Variants in KLHL17 observed in about 807,000 individuals in gnomAD.
KLHL17 encodes kelch like family member 17.
In KLHL17, 71 loss-of-function variants were observed where a neutral mutation model predicts 64.6. The ratio of observed to expected loss-of-function variants is 1.10; its 90% confidence interval spans 0.91 to 1.34. KLHL17 has a LOEUF of 1.34. Among genes scored for constraint, KLHL17 ranks in the 40% most tolerant of loss-of-function variants. The probability of loss-of-function intolerance (pLI) is 0.00; values close to 1 mark genes in which losing one functional copy is unlikely to be tolerated. For missense variants in KLHL17, 1,140 were observed against 935.0 expected (o/e 1.22, Z -2.86); for synonymous variants, 612 against 405.4 (o/e 1.51, Z -6.12).
At chr1:962,261 C>G (rs181477281) in intron 4 of KLHL17, 94 bp from the exon 5 acceptor site, 56 of 1,592,872 alleles carry the variant, frequency 3.5e-5, no homozygotes, top group Non-Finnish European at 4.5e-5. Context: ...ACACTCAGCC[C>G]CCACCTGCTA....
At position 965,150 on chromosome 1, in the gene KLHL17, C is replaced by T. The variant is rs1013810773; in HGVS notation, c.1888C>T (p.Pro630Ser). Residue 630 changes from proline (P) to serine (S), a missense_variant, in exon 12 of 12, where the codon CCA becomes TCA. Pro to Ser is a moderately conservative substitution (Grantham distance 74, BLOSUM62 -1). Transcript: ENST00000338591. Reference protein sequence around the residue: ...AVLELLNFPPPSSPTLSVSST... With the variant: ...AVLELLNFPPSSSPTLSVSST... The stretch of plus-strand genomic sequence containing the variant: ...GCTGGAGCTGCTCAATTTCCCGCCG[C>T]CATCCTCCCCGACGCTGTCCGTGTC... 1.2e-6 allele frequency: 2 copies of T among 1,612,580 alleles called. No homozygotes were observed. The highest frequency in any genetic ancestry group is 1.7e-6 in the Non-Finnish European group (2 of 1,179,876).
At chr1:963,846 G>A in intron 8 of KLHL17, 74 bp from the exon 9 acceptor site, 1 of 1,472,362 alleles carries the variant, frequency 6.8e-7, no homozygotes, top group Non-Finnish European at 9.5e-7. Context: ...CCATTCCGCT[G>A]GGGAGGGCAG....
rs1056338646 is a variant in KLHL17, at chr1:962,105, T to C, written c.711+58T>C. On this transcript the variant is annotated intron_variant, in intron 4 of 11. Coordinates refer to ENST00000338591, the MANE Select transcript of KLHL17 (RefSeq NM_198317.3). ...ACCCCACCCCACCCCAGTCTTTGTC[T>C]TTGACTCCCGACCCCGTTTTGTTCC... The C allele has an allele frequency of 6.4e-6, 9 of 1,397,002 alleles. No homozygotes were observed. The African/African-American group carries it at 1.4e-4, about 22-fold the overall frequency. 86.5% of individuals were successfully genotyped at this position (1,397,002 alleles called of 1,614,324 possible).
In KLHL17 at chr1:962,441, C is replaced by G. The variant is rs577749915; in HGVS notation, c.798C>G (p.Asp266Glu). 6.2e-7 allele frequency: 1 copy of G among 1,612,698 alleles called. No individual in the cohort carries two copies. The highest frequency in any genetic ancestry group is 8.5e-7 in the Non-Finnish European group (1 of 1,179,908). Residue 266 changes from aspartate to glutamate, a missense_variant, in exon 5 of 12, where the codon GAC (aspartate) becomes GAG (glutamate). Coordinates refer to ENST00000338591, the MANE Select transcript of KLHL17 (RefSeq NM_198317.3). Reference protein sequence around the residue: ...YRAVLSWVKHDVDARRQHVPR... With the variant: ...YRAVLSWVKHEVDARRQHVPR... Reference sequence around the variant, plus strand: ...CCGTCCTGAGCTGGGTGAAACACGACGTGGACGCCCGCAGGCAGCATGTCC... The same window carrying G: ...CCGTCCTGAGCTGGGTGAAACACGAGGTGGACGCCCGCAGGCAGCATGTCC...
rs780498394 is a variant in KLHL17, at chr1:964,003, C to T, written c.1439C>T (p.Thr480Met). 60 of 1,612,622 alleles carry T rather than the reference C, an allele frequency of 3.7e-5. No individual in the cohort carries two copies. Among genetic ancestry groups the T allele is most frequent in the Non-Finnish European group, 4.4e-5 (52 of 1,179,930 alleles). Residue 480 changes from threonine to methionine, a missense_variant, in exon 9 of 12, where the codon ACG becomes ATG. Coordinates refer to ENST00000338591, the MANE Select transcript of KLHL17 (RefSeq NM_198317.3). Reference sequence around the variant, plus strand: ...CGGAGGCGCTATGTGCGAGTGGCCACGCTTGGTGGGTGATGGGGCCTGCCT... The same window carrying T: ...CGGAGGCGCTATGTGCGAGTGGCCATGCTTGGTGGGTGATGGGGCCTGCCT... Reference protein sequence around the residue: ...STRRRYVRVATLDGNLYAVGG... With the variant: ...STRRRYVRVAMLDGNLYAVGG...
At position 962,701 on chromosome 1, in the gene KLHL17, C is replaced by A; in HGVS notation, c.829-3C>A. The A allele has an allele frequency of 6.3e-7, 1 of 1,586,478 alleles. No homozygotes were observed. Among genetic ancestry groups the A allele is most frequent in the Non-Finnish European group, 8.5e-7 (1 of 1,169,686 alleles). ...CCTGACCTTGGCGTTCCCTGCACCC[C>A]AGCTCATGAAGTGTGTGCGGCTGCC... On this transcript the variant is annotated splice_polypyrimidine_tract_variant and splice_region_variant and intron_variant, in intron 5 of 11. Transcript: ENST00000338591.
rs957800808 is a variant in KLHL17 at position 965,615 on chromosome 1, C to T, written c.*424C>T. The T allele has an allele frequency of 1.5e-5, 3 of 204,956 alleles. No individual in the cohort carries two copies. The highest frequency in any genetic ancestry group is 1.1e-4 in the South Asian group (1 of 9,164). The allele number at this position is 204,956 out of a possible 1,614,324, so 12.7% of individuals were successfully genotyped here. A position where few individuals can be genotyped will look rare whatever the true frequency, so the allele number is the denominator to read the frequency against. On this transcript the variant is annotated 3_prime_UTR_variant, in exon 12 of 12. Transcript: ENST00000338591. ...AGTTGTCCTTCCTGTCGTCGTCTGC[C>T]GTGTGCCATCTTTCCTGGATCTTGT...
rs1201704949 is a variant in KLHL17 at position 960,717 on chromosome 1, G to A, written c.24G>A (p.Pro8=). MQPRSER[P]AGRTQSPEHG... is the part of the protein sequence containing the mutation. ...GAATGCAGCCCCGCAGCGAGCGCCC[G>A]GCCGGCAGGACGCAGAGCCCGGAGC... Residue 8 remains proline, a synonymous_variant, in exon 1 of 12, where the codon CCG becomes CCA. Transcript: ENST00000338591. 3.6e-5 allele frequency: 48 copies of A among 1,349,212 alleles called. No individual in the cohort carries two copies. The highest frequency in any genetic ancestry group is 6.8e-5 in the East Asian group (2 of 29,416). The allele number at this position is 1,349,212 out of a possible 1,614,324, so 83.6% of individuals were successfully genotyped here.
Position 963,955 on chromosome 1 carries a change from C to A in KLHL17, c.1391C>A (p.Thr464Lys), listed in dbSNP as rs374437986. The change falls in exon 9 of 12, where the codon ACG (threonine) becomes AAG (lysine). Residue 464 changes from threonine to lysine, a missense_variant. Physicochemically the swap from Thr to Lys is moderately conservative, Grantham distance 78 (BLOSUM62 -1). Transcript: ENST00000338591. ...ERYDPLTGTW[T>K]SVAAMSTRRR... is the part of the protein sequence containing the mutation. ...TACGACCCCCTGACCGGAACGTGGA[C>A]GTCCGTCGCTGCCATGAGCACCCGG... The A allele has an allele frequency of 6.2e-7, 1 of 1,612,540 alleles. No individual in the cohort carries two copies. The highest frequency in any genetic ancestry group is 1.3e-5 in the African/African-American group (1 of 75,050).
rs1222084303 is a variant in KLHL17, at chr1:963,204, G to T, written c.1138G>T (p.Ala380Ser). 6.2e-7 allele frequency: 1 copy of T among 1,608,078 alleles called. No homozygotes were observed. ...GGTGGCCTCCATGTCCACGCGCCGG[G>T]CCCGGGTGGGAGTGGCTGCGGTGGG... ...HVVASMSTRR[A>S]RVGVAAVGNR... is the part of the protein sequence containing the mutation. The change falls in exon 7 of 12, where the codon GCC becomes TCC. Residue 380 changes from alanine (A) to serine (S), a missense_variant. Physicochemically the swap from Ala to Ser is moderately conservative, Grantham distance 99. Transcript: ENST00000338591.
In KLHL17 at chr1:963,984, C is replaced by T; in HGVS notation, c.1420C>T (p.Arg474Cys). ...TSVAAMSTRRRYVRVATLDGN... is the reference protein window; with the variant it reads ...TSVAAMSTRRCYVRVATLDGN... ...CGTCGCTGCCATGAGCACCCGGAGG[C>T]GCTATGTGCGAGTGGCCACGCTTGG... The change falls in exon 9 of 12, where the codon CGC becomes TGC. Residue 474 changes from arginine to cysteine, a missense_variant. Transcript: ENST00000338591. 2 of 1,612,600 alleles carry T rather than the reference C, an allele frequency of 1.2e-6. No individual in the cohort carries two copies. Among genetic ancestry groups the T allele is most frequent in the South Asian group, 1.1e-5 (1 of 91,082 alleles).
chr1:961,800 C>G (rs985552724), intron 3 of KLHL17, 26 bp from the exon 4 acceptor site: 2 of 1,610,920 alleles, frequency 1.2e-6, no homozygotes, highest in Non-Finnish European at 1.7e-6. Flanking sequence ...CTGTGCCTCC[C>G]TCACCTGCCT....
intron 5 of KLHL17, 51 bp from the exon 6 acceptor site, chr1:962,653 G>A (rs753897150): frequency 5.2e-6 from 8 of 1,540,778 alleles, no homozygotes; most frequent in South Asian, 1.2e-5. Flanking sequence ...CAGCCCTGAC[G>A]CCCAGTGTGC....
At chr1:963,573 A>G in intron 8 of KLHL17, 69 bp downstream of exon 8, 1 of 1,507,640 alleles carries the variant, frequency 6.6e-7, no homozygotes. Flanking sequence ...TGTCACCATC[A>G]CAGGGGTCGT....
Position 961,303 on chromosome 1 carries a change from G to A in KLHL17, c.118G>A (p.Glu40Lys). 1 of 1,517,090 alleles carries A rather than the reference G, an allele frequency of 6.6e-7. No individual in the cohort carries two copies. Among genetic ancestry groups the A allele is most frequent in the South Asian group, 1.2e-5 (1 of 82,788 alleles). 94.0% of individuals were successfully genotyped at this position (1,517,090 alleles called of 1,614,324 possible). ...GCCCGCCTCCTGCAGCCCCGAGGCA[G>A]AGCGCACGCGGCCCCGGCAGGCTCG... ...PPPQPPAPEAERTRPRQARPA... is the reference protein window; with the variant it reads ...PPPQPPAPEAKRTRPRQARPA... Residue 40 changes from glutamate to lysine, a missense_variant, in exon 2 of 12, where the codon GAG becomes AAG. Glu to Lys is a moderately conservative substitution (Grantham distance 56). Coordinates refer to ENST00000338591, the MANE Select transcript of KLHL17 (RefSeq NM_198317.3).
At position 965,202 on chromosome 1, in the gene KLHL17, A is replaced by G. The variant is rs1434839783; in HGVS notation, c.*11A>G. 2 of 1,608,836 alleles carry G rather than the reference A, an allele frequency of 1.2e-6. No individual in the cohort carries two copies. The highest frequency in any genetic ancestry group is 1.7e-6 in the Non-Finnish European group (2 of 1,177,296). The stretch of plus-strand genomic sequence containing the variant: ...TCCACCAGCCTCTGACCCACCTACC[A>G]CCAGAGGCCTGCAGCCTCCCACATG... On this transcript the variant is annotated 3_prime_UTR_variant, in exon 12 of 12. Transcript: ENST00000338591.
At position 965,168 on chromosome 1, in the gene KLHL17, T is replaced by A; in HGVS notation, c.1906T>A (p.Ser636Thr). ...NFPPPSSPTL[S>T]VSSTSL Reference sequence around the variant, plus strand: ...CCCGCCGCCATCCTCCCCGACGCTGTCCGTGTCCTCCACCAGCCTCTGACC... The same window carrying A: ...CCCGCCGCCATCCTCCCCGACGCTGACCGTGTCCTCCACCAGCCTCTGACC... Residue 636 changes from serine (S) to threonine (T), a missense_variant, in exon 12 of 12, where the codon TCC becomes ACC. By Grantham distance (58) the Ser-to-Thr change is moderately conservative. Transcript: ENST00000338591. 1 of 1,612,276 alleles carries A rather than the reference T, an allele frequency of 6.2e-7. No individual in the cohort carries two copies. Among genetic ancestry groups the A allele is most frequent in the Non-Finnish European group, 8.5e-7 (1 of 1,179,754 alleles).
rs1338450189 is a variant in KLHL17 at position 965,138 on chromosome 1, A to C, written c.1876A>C (p.Asn626His). Residue 626 changes from asparagine to histidine, a missense_variant, in exon 12 of 12, where the codon AAT becomes CAT. Transcript: ENST00000338591. Reference sequence around the variant, plus strand: ...GGGTGTGGCGGTGCTGGAGCTGCTCAATTTCCCGCCGCCATCCTCCCCGAC... The same window carrying C: ...GGGTGTGGCGGTGCTGGAGCTGCTCCATTTCCCGCCGCCATCCTCCCCGAC... ...SVGVAVLELL[N>H]FPPPSSPTLS... 1 of 1,612,390 alleles carries C rather than the reference A, an allele frequency of 6.2e-7. No homozygotes were observed. The highest frequency in any genetic ancestry group is 8.5e-7 in the Non-Finnish European group (1 of 1,179,792).
At chr1:963,884 T>C (rs1642768022) in intron 8 of KLHL17, 36 bp from the exon 9 acceptor site, 1 of 1,605,294 alleles carries the variant, frequency 6.2e-7, no homozygotes, top group Non-Finnish European at 8.5e-7. Flanking sequence ...CCTTTCTGTC[T>C]CTGCTGAGCT....
Sources: gnomAD v4.1 joint callset for allele counts on GRCh38, gnomAD v4.1.1 for gene constraint, MANE v1.5 for transcripts, NCBI Gene and HGNC (gene_info 2026-07-23, HGNC 2026-07-21) for gene names.